Variants in MOG observed in about 807,000 individuals in gnomAD.
The protein encoded by MOG is myelin-oligodendrocyte glycoprotein.
MOG carries 20 observed loss-of-function variants against 35.9 expected under a neutral mutation model. The observed-to-expected ratio is 0.56, with a 90% CI of 0.39 to 0.81. MOG has a LOEUF of 0.81. Ranked by LOEUF, MOG falls within the 30% of genes least tolerant of loss-of-function variation. MOG has a pLI of 0.00. For missense variants in MOG, 251 were observed against 301.0 expected, an observed-to-expected ratio of 0.83 and a Z score of 1.23; for synonymous variants, 92 against 114.3, an observed-to-expected ratio of 0.80 and a Z score of 1.25.
At chr6:29,661,702 C>T (rs1262499186) in intron 2 of MOG, 1 of 859,868 alleles carries the variant, frequency 1.2e-6, no homozygotes, top group Non-Finnish European at 1.4e-6. Flanking sequence ...TTCCTGTAAT[C>T]CCAGCTGGGA....
intron 5 of MOG, 36 bp downstream of exon 5, chr6:29,667,960 C>T (rs1770593814): frequency 3.1e-6 from 5 of 1,610,436 alleles, no homozygotes; most frequent in Admixed American, 1.7e-5. Flanking sequence ...CCCAGGTCAA[C>T]TTGGTATTTC....
chr6:29,667,855 T>A lies in MOG; in HGVS notation c.572-49T>A. ...AATAACAAAGACTCAGGATAAAAGA[T>A]CCTTTTTGAGTGCCCTACTAAATCC... On this transcript the variant is annotated intron_variant, in intron 4 of 7. Coordinates refer to ENST00000376917, the MANE Select transcript of MOG (RefSeq NM_206809.4). The A allele has an allele frequency of 3.1e-6, 5 of 1,609,190 alleles. No individual in the cohort carries two copies. In the Middle Eastern group the frequency reaches 8.3e-4, roughly 266 times the overall value.
intron 2 of MOG, chr6:29,661,988 T>C: frequency 1.0e-6 from 1 of 985,398 alleles, no homozygotes; most frequent in Non-Finnish European, 1.2e-6. Context: ...GGACGCTTTG[T>C]CTAGGCTTTG....
Position 29,670,814 on chromosome 6 carries a change from C to A in MOG, c.730+93C>A. On this transcript the variant is annotated intron_variant, in intron 7 of 7. Transcript: ENST00000376917. The surrounding 1 kb of genome is among the most constrained non-coding windows in gnomAD (Gnocchi z 4.2). Reference sequence around the variant, plus strand: ...AGGAAGAGGCGGGCTATTGAGGGATCACATTCCCAGAGGAAAGGAGGAGCT... The same window carrying A: ...AGGAAGAGGCGGGCTATTGAGGGATAACATTCCCAGAGGAAAGGAGGAGCT... 6.3e-7 allele frequency: 1 copy of A among 1,587,418 alleles called. No homozygotes were observed. The highest frequency in any genetic ancestry group is 8.6e-7 in the Non-Finnish European group (1 of 1,165,846).
intron 2 of MOG, chr6:29,664,661 G>A (rs769438774): frequency 6.4e-5 from 29 of 450,200 alleles, no homozygotes; most frequent in Admixed American, 2.1e-4. Flanking sequence ...ATTGGTTGCA[G>A]TGGCACGATC....
At chr6:29,664,573 G>T (rs2857784) in intron 2 of MOG, 2 of 445,932 alleles carry the variant, frequency 4.5e-6, no homozygotes, top group African/African-American at 4.1e-5. Flanking sequence ...TGCACCTTCC[G>T]CAAGCTGATG....
rs750158101 is a variant in MOG at position 29,666,182 on chromosome 6, TG to T, written c.469del (p.Val157PhefsTer26). The part of the protein sequence containing the change: ...DPFYWVSPGV[L>X]VLLAVLPVLL... ...TTCTACTGGGTGAGCCCTGGAGTGCTGGTTCTCCTCGCGGTGCTGCCTGTGC... is the reference window on the plus strand; with the variant it reads ...TTCTACTGGGTGAGCCCTGGAGTGCTGTTCTCCTCGCGGTGCTGCCTGTGC... On this transcript the variant is annotated frameshift_variant, in exon 3 of 8. Transcript: ENST00000376917. LOFTEE classifies it high-confidence loss of function. 3 of 1,612,956 alleles carry T rather than the reference TG, an allele frequency of 1.9e-6. No individual in the cohort carries two copies. The Admixed American group carries it at 5.0e-5, about 27-fold the overall frequency.
At chr6:29,663,676 C>T (rs1769447202) in intron 2 of MOG, among the ~76,000 whole-genome samples, 1 of 152,176 alleles carries the variant, frequency 6.6e-6, no homozygotes, top group South Asian at 2.1e-4. Context: ...CATCCGGAGG[C>T]TGATAATGTC....
chr6:29,668,639 G>A (rs1204697335), intron 5 of MOG, among the ~76,000 whole-genome samples: 1 of 151,980 alleles, frequency 6.6e-6, no homozygotes, highest in Non-Finnish European at 1.5e-5. Context: ...GAGTTCTATC[G>A]TACGATTTAG....
chr6:29,664,011 C>T, intron 2 of MOG: 1 of 488,348 alleles, frequency 2.0e-6, no homozygotes, highest in Non-Finnish European at 2.7e-6. Context: ...GCTTCAGCTG[C>T]AGCATGGCAC....
chr6:29,657,670 T>C (rs1417602613), intron 1 of MOG, among the ~76,000 whole-genome samples: 8 of 147,756 alleles, frequency 5.4e-5, no homozygotes, highest in African/African-American at 9.9e-5. Context: ...TTTCTTTTTT[T>C]TTTTTTTTTT....
In MOG at chr6:29,671,561, T is replaced by C. The variant is rs1771461150; in HGVS notation, c.*376T>C. 1 of 836,022 alleles carries C rather than the reference T, an allele frequency of 1.2e-6. No individual in the cohort carries two copies. Among genetic ancestry groups the C allele is most frequent in the Non-Finnish European group, 2.1e-6 (1 of 483,474 alleles). The allele number at this position is 836,022 out of a possible 1,614,324, so 51.8% of individuals were successfully genotyped here. On this transcript the variant is annotated 3_prime_UTR_variant, in exon 8 of 8. Transcript: ENST00000376917. The stretch of plus-strand genomic sequence containing the variant: ...GGAATCTCCTCACTGAAAATTACAG[T>C]ATGGTAACTTTGCAAATGGTGGTTG...
At position 29,670,564 on chromosome 6, in the gene MOG, A is replaced by G; in HGVS notation, c.710-137A>G. 6.4e-7 allele frequency: 1 copy of G among 1,563,820 alleles called. No individual in the cohort carries two copies. ...CCCAGGCTCTTCTGAGAAACTGTGA[A>G]GAGAACCACTTACTGGATCTGTGGG... On this transcript the variant is annotated intron_variant, in intron 6 of 7. Coordinates refer to ENST00000376917, the MANE Select transcript of MOG (RefSeq NM_206809.4). The surrounding 1 kb of genome is among the most constrained non-coding windows in gnomAD (Gnocchi z 4.2).
At chr6:29,660,365 CA>C (rs41283830) in intron 2 of MOG, among the ~76,000 whole-genome samples, 678 of 114,478 alleles carry the variant, frequency 5.9e-3, no homozygotes, top group East Asian at 6.6e-3. Flanking sequence ...ACTAAAAATA[CA>C]AAAAAAAAAA....
chr6:29,662,598 C>A lies in MOG; in HGVS notation c.436+2932C>A, dbSNP rs898802595. Among the ~76,000 whole-genome samples, 7 of 152,170 alleles carry A rather than the reference C, an allele frequency of 4.6e-5. No individual in the cohort carries two copies. The highest frequency in any genetic ancestry group is 1.7e-4 in the African/African-American group (7 of 41,430). On this transcript the variant is annotated intron_variant, in intron 2 of 7. Transcript: ENST00000376917. The surrounding 1 kb of genome is among the most constrained non-coding windows in gnomAD (Gnocchi z 4.2). Reference sequence around the variant, plus strand: ...GACCACCCACCTCACCGGCTCCCCACTCATTACCACCCTCCCCTACTCAAT... The same window carrying A: ...GACCACCCACCTCACCGGCTCCCCAATCATTACCACCCTCCCCTACTCAAT...
intron 7 of MOG, 29 bp from the exon 8 acceptor site, chr6:29,671,143 T>G: frequency 6.2e-7 from 1 of 1,612,938 alleles, no homozygotes; most frequent in Non-Finnish European, 8.5e-7. Context: ...CTGACATACG[T>G]TTTTCAAGTT....
Position 29,670,937 on chromosome 6 carries a change from A to C in MOG, c.730+216A>C. ...TACAGGTGGCAGAGAAGCTGGAGGCACTCCTATCTGCCACCTGATCCATTC... is the reference window on the plus strand; with the variant it reads ...TACAGGTGGCAGAGAAGCTGGAGGCCCTCCTATCTGCCACCTGATCCATTC... On this transcript the variant is annotated intron_variant, in intron 7 of 7. Coordinates refer to ENST00000376917, the MANE Select transcript of MOG (RefSeq NM_206809.4). This position sits in a 1 kb window ranked among gnomAD's most constrained non-coding sequence, Gnocchi z 4.2. The C allele has an allele frequency of 6.2e-7, 1 of 1,611,580 alleles. No individual in the cohort carries two copies. The highest frequency in any genetic ancestry group is 1.7e-5 in the Admixed American group (1 of 59,844).
chr6:29,661,000 T>C (rs762606256), intron 2 of MOG, among the ~76,000 whole-genome samples: 1 of 152,122 alleles, frequency 6.6e-6, no homozygotes, highest in Non-Finnish European at 1.5e-5. Context: ...TGAGCCATGG[T>C]GCCCGGCCTC....
chr6:29,662,329 A>G lies in MOG; in HGVS notation c.436+2663A>G, dbSNP rs1187853058. ...AGAAACCCCGTCTCTACTAAAAAATACAAAATTAGCTAGGCGTGGTGGCAC... is the reference window on the plus strand; with the variant it reads ...AGAAACCCCGTCTCTACTAAAAAATGCAAAATTAGCTAGGCGTGGTGGCAC... On this transcript the variant is annotated intron_variant, in intron 2 of 7. Transcript: ENST00000376917. This position sits in a 1 kb window ranked among gnomAD's most constrained non-coding sequence, Gnocchi z 4.2. 4.1e-6 allele frequency: 1 copy of G among 245,320 alleles called. No homozygotes were observed. The highest frequency in any genetic ancestry group is 6.5e-6 in the Non-Finnish European group (1 of 153,486). The allele number at this position is 245,320 out of a possible 1,614,324, so 15.2% of individuals were successfully genotyped here.
Sources: allele counts gnomAD v4.1 joint callset (sites outside exome capture counted in the v4.1 genomes callset), GRCh38; gene constraint gnomAD v4.1.1; non-coding constraint Gnocchi (gnomAD v3.1); transcripts MANE v1.5; gene names NCBI Gene and HGNC (gene_info 2026-07-23, HGNC 2026-07-21).